Variants in HELZ observed in about 807,000 individuals in gnomAD.
HELZ encodes helicase with zinc finger.
HELZ carries 23 observed loss-of-function variants against 218.2 expected under a neutral mutation model. The ratio of observed to expected loss-of-function variants is 0.11; its 90% CI spans 0.08 to 0.15. The LOEUF (loss-of-function observed/expected upper bound fraction) is 0.15. Ranked by LOEUF, HELZ falls within the 10% of genes least tolerant of loss-of-function variation. HELZ has a pLI of 1.00. For missense variants in HELZ, 1,813 were observed against 2,353.7 expected, an observed-to-expected ratio of 0.77 and a Z score of 4.75; for synonymous variants, 814 against 829.4, an observed-to-expected ratio of 0.98 and a Z score of 0.32.
chr17:67,178,367 G>A (rs972486067), intron 13 of HELZ, among the ~76,000 whole-genome samples: 1 of 152,124 alleles, frequency 6.6e-6, no homozygotes, highest in Admixed American at 6.5e-5. Flanking sequence ...AGCTTCTTAA[G>A]AGCAGGAACC....
chr17:67,093,029 A>G (rs2036621940), intron 31 of HELZ, among the ~76,000 whole-genome samples: 1 of 152,224 alleles, frequency 6.6e-6, no homozygotes, highest in Non-Finnish European at 1.5e-5. Flanking sequence ...CATAAAAGAT[A>G]GTCCCAGATG....
intron 17 of HELZ, among the ~76,000 whole-genome samples, chr17:67,153,681 C>A (rs1313087157): frequency 6.6e-6 from 1 of 152,180 alleles, no homozygotes; most frequent in African/African-American, 2.4e-5. Context: ...CCCCCCACTT[C>A]CCTTCACCCA....
intron 25 of HELZ, among the ~76,000 whole-genome samples, chr17:67,123,637 T>G (rs2037688750): frequency 6.6e-6 from 1 of 152,230 alleles, no homozygotes. Context: ...ATCTGATATT[T>G]GTAGGACATA....
At chr17:67,195,112 GAGA>G (rs2039990344) in intron 8 of HELZ, among the ~76,000 whole-genome samples, 1 of 152,130 alleles carries the variant, frequency 6.6e-6, no homozygotes, top group African/African-American at 2.4e-5. Flanking sequence ...AGGACAGAGA[GAGA>G]AGAAAAGTCT....
intron 21 of HELZ, among the ~76,000 whole-genome samples, chr17:67,140,505 A>T (rs1475689989): frequency 1.3e-5 from 2 of 152,198 alleles, no homozygotes; most frequent in Non-Finnish European, 2.9e-5. Flanking sequence ...GAATCAGCAA[A>T]CGTGAAGATA....
At chr17:67,104,582 G>T (rs1331686720) in intron 31 of HELZ, among the ~76,000 whole-genome samples, 1 of 151,880 alleles carries the variant, frequency 6.6e-6, no homozygotes, top group Non-Finnish European at 1.5e-5. Context: ...AGCATCAAAG[G>T]ACACTATCAA....
At chr17:67,122,121 G>A (rs1056522622) in intron 26 of HELZ, among the ~76,000 whole-genome samples, 1 of 152,192 alleles carries the variant, frequency 6.6e-6, no homozygotes, top group East Asian at 1.9e-4. Flanking sequence ...TTACAAAGGT[G>A]GCCAGGCACA....
rs556728437 is a variant in HELZ, at chr17:67,121,857, C to G, written c.3630+1113G>C. Reference sequence around the variant, plus strand: ...TGGAATTTCTCAAATCAATTTAGATCCAAGTGAACTAGACTAATCCAAGCC... The same window carrying G: ...TGGAATTTCTCAAATCAATTTAGATGCAAGTGAACTAGACTAATCCAAGCC... On this transcript the variant is annotated intron_variant, in intron 26 of 32. Transcript: ENST00000358691. 2.0e-5 allele frequency among the ~76,000 whole-genome samples: 3 copies of G among 152,222 alleles called. No individual in the cohort carries two copies. The South Asian group carries it at 6.2e-4, about 32-fold the overall frequency.
intron 31 of HELZ, among the ~76,000 whole-genome samples, chr17:67,092,698 G>A (rs2036607356): frequency 6.6e-6 from 1 of 152,244 alleles, no homozygotes; most frequent in African/African-American, 2.4e-5. Context: ...AGGCGCAGTG[G>A]TTCACGCCTG....
At chr17:67,164,408 A>G (rs1172247502) in intron 15 of HELZ, among the ~76,000 whole-genome samples, 1 of 152,160 alleles carries the variant, frequency 6.6e-6, no homozygotes, top group Non-Finnish European at 1.5e-5. Flanking sequence ...TTGGGCAAAG[A>G]TTATATGAGA....
intron 3 of HELZ, among the ~76,000 whole-genome samples, chr17:67,225,846 T>C (rs2040874517): frequency 6.6e-6 from 1 of 152,234 alleles, no homozygotes; most frequent in African/African-American, 2.4e-5. Context: ...CGATAAATTT[T>C]ATCAAAATTA....
In HELZ at chr17:67,123,390, A is replaced by G. The variant is rs537409834; in HGVS notation, c.3440-230T>C. Among the ~76,000 whole-genome samples, 5 of 152,308 alleles carry G rather than the reference A, an allele frequency of 3.3e-5. No individual in the cohort carries two copies. The East Asian group carries it at 9.6e-4, about 29-fold the overall frequency. The stretch of plus-strand genomic sequence containing the variant: ...CAAAGCATTCCTTTTATAAACTAGC[A>G]TAATTTTAAATATTTTCTGAGGAAC... On this transcript the variant is annotated intron_variant, in intron 25 of 32. Transcript: ENST00000358691.
intron 5 of HELZ, among the ~76,000 whole-genome samples, chr17:67,206,894 G>T (rs1023816316): frequency 1.4e-5 from 2 of 141,722 alleles, no homozygotes; most frequent in Admixed American, 7.1e-5. Context: ...CCACTATGCC[G>T]GGTTTTTTTG....
intron 3 of HELZ, among the ~76,000 whole-genome samples, chr17:67,221,773 T>A (rs1053703742): frequency 2.0e-5 from 3 of 152,164 alleles, no homozygotes; most frequent in African/African-American, 4.8e-5. Flanking sequence ...TTAGCTATTA[T>A]AATGTCTCTA....
At position 67,086,631 on chromosome 17, in the gene HELZ, A is replaced by AATATAAATATATATAT. The variant is rs914625902; in HGVS notation, c.5494+197_5494+198insATATATATATTTATAT. On this transcript the variant is annotated intron_variant, in intron 32 of 32. Transcript: ENST00000358691. ...ATATATATAAATAAATATAAATATA[A>AATATAAATATATATAT]ATATATATATATATATATATATATA... Among the ~76,000 whole-genome samples, 247 of 93,238 alleles carry AATATAAATATATATAT rather than the reference A, an allele frequency of 2.6e-3. 4 individuals are homozygous for AATATAAATATATATAT. The highest frequency in any genetic ancestry group is 0.011 in the African/African-American group (222 of 20,734). The allele number at this position is 93,238 out of a possible 152,430, so 61.2% of individuals were successfully genotyped here. A position where few individuals can be genotyped will look rare whatever the true frequency, so the allele number is the denominator to read the frequency against.
In HELZ at chr17:67,145,641, A is replaced by G. The variant is rs2038470383; in HGVS notation, c.2769+102T>C. ...TACTATTTACATGTAAATGAAGTCA[A>G]TATGCAATACAATGTCAACCCAAAA... is the stretch of plus-strand genomic sequence containing the variant. On this transcript the variant is annotated intron_variant, in intron 21 of 32. Coordinates refer to ENST00000358691, the MANE Select transcript of HELZ (RefSeq NM_014877.4). 4 of 793,266 alleles carry G rather than the reference A, an allele frequency of 5.0e-6. No homozygotes were observed. In the Admixed American group the frequency reaches 9.6e-5, roughly 19 times the overall value. 49.1% of individuals were successfully genotyped at this position (793,266 alleles called of 1,614,324 possible).
chr17:67,113,114 TA>T (rs1182041624), intron 28 of HELZ, among the ~76,000 whole-genome samples: 6 of 152,148 alleles, frequency 3.9e-5, no homozygotes, highest in Non-Finnish European at 7.3e-5. Flanking sequence ...ATTATCTTTT[TA>T]AAAAAATATA....
intron 9 of HELZ, among the ~76,000 whole-genome samples, chr17:67,192,712 A>G (rs986259208): frequency 1.2e-4 from 18 of 152,334 alleles, no homozygotes; most frequent in Non-Finnish European, 2.1e-4. Flanking sequence ...AAAACCATGT[A>G]GCAAATTTCC....
chr17:67,163,191 A>G (rs1246505046), intron 15 of HELZ, among the ~76,000 whole-genome samples: 2 of 152,310 alleles, frequency 1.3e-5, no homozygotes, highest in East Asian at 3.9e-4. Context: ...TTGTTACTAC[A>G]ATATTTTATA....
Sources: gnomAD v4.1 joint callset for allele counts (sites outside exome capture counted in the v4.1 genomes callset) on GRCh38, gnomAD v4.1.1 for gene constraint, MANE v1.5 for transcripts, NCBI Gene and HGNC (gene_info 2026-07-23, HGNC 2026-07-21) for gene names.